LRTM3: variants seen among roughly 807,000 people sequenced by gnomAD.
The protein encoded by LRTM3 is leucine rich repeat transmembrane protein 3.
At chr13:102,739,939 T>C in the LRTM3 span, 1 of 1,550,352 alleles carries the variant, frequency 6.5e-7, no homozygotes. Context: ...TGGTATTGAG[T>C]ATATGTGAAA....
chr13:102,743,028 A>C, the LRTM3 span: 3 of 1,548,040 alleles, frequency 1.9e-6, no homozygotes, highest in South Asian at 3.6e-5. Context: ...TGACTTTTTG[A>C]GAAAAAAGTT....
the LRTM3 span, chr13:102,730,895 C>A: frequency 6.4e-7 from 1 of 1,551,282 alleles, no homozygotes; most frequent in Non-Finnish European, 8.7e-7. Context: ...TAACAAAATT[C>A]TGTTTTGTCG....
At chr13:102,744,738 C>T in the LRTM3 span, 107 of 1,550,634 alleles carry the variant, frequency 6.9e-5, no homozygotes, top group East Asian at 2.1e-3. Context: ...ATATTTTTAT[C>T]TTCCCTTTCA....
chr13:102,752,762 A>G, the LRTM3 span, among the ~76,000 whole-genome samples: 4 of 152,320 alleles, frequency 2.6e-5, no homozygotes, highest in South Asian at 8.3e-4. Context: ...ATGTGACCAT[A>G]TTTGTAGACG....
chr13:102,744,228 C>G, the LRTM3 span: 1 of 1,550,376 alleles, frequency 6.5e-7, no homozygotes, highest in Non-Finnish European at 8.7e-7. Flanking sequence ...TTCAAAGTTA[C>G]ACATTTGGGA....
At chr13:102,739,606 A>G in the LRTM3 span, 3 of 1,550,466 alleles carry the variant, frequency 1.9e-6, no homozygotes, top group Non-Finnish European at 2.6e-6. Context: ...ACAGCAAAGG[A>G]AATTCCTTTA....
the LRTM3 span, chr13:102,746,554 A>G: frequency 2.7e-5 from 42 of 1,550,906 alleles, no homozygotes; most frequent in East Asian, 1.0e-3. Context: ...GGCTTGTGAC[A>G]CTGACTGTCT....
chr13:102,733,753 A>G, the LRTM3 span: 2 of 1,551,324 alleles, frequency 1.3e-6, no homozygotes, highest in Non-Finnish European at 1.7e-6. Flanking sequence ...ACTGATTCAA[A>G]TCTTCTTCTG....
the LRTM3 span, chr13:102,747,390 A>T: frequency 6.5e-7 from 1 of 1,550,076 alleles, no homozygotes. Flanking sequence ...ATATTAATAT[A>T]AGGCATCAGT....
chr13:102,730,312 A>G, the LRTM3 span: 1 of 1,551,378 alleles, frequency 6.4e-7, no homozygotes, highest in East Asian at 2.4e-5. Context: ...CCAGAAACAC[A>G]CATTCCTCAC....
At chr13:102,730,025 G>C in the LRTM3 span, 12 of 1,551,604 alleles carry the variant, frequency 7.7e-6, no homozygotes, top group South Asian at 1.4e-4. Flanking sequence ...AGATGACCTA[G>C]ACTGAATTTC....
the LRTM3 span, chr13:102,737,915 T>G: frequency 6.4e-7 from 1 of 1,550,564 alleles, no homozygotes; most frequent in Non-Finnish European, 8.7e-7. Context: ...TTCCTGTTCA[T>G]TCTTGTCTCC....
chr13:102,758,116 T>C, the LRTM3 span, among the ~76,000 whole-genome samples: 1 of 152,200 alleles, frequency 6.6e-6, no homozygotes, highest in Non-Finnish European at 1.5e-5. Context: ...ATATAAGAAC[T>C]GGTGTGTTGG....
chr13:102,741,349 C>A, the LRTM3 span: 1 of 1,549,196 alleles, frequency 6.5e-7, no homozygotes, highest in African/African-American at 1.4e-5. Context: ...ATTCAGAATC[C>A]AGAATACTTT....
At chr13:102,734,027 G>A in the LRTM3 span, 39 of 1,551,262 alleles carry the variant, frequency 2.5e-5, 1 homozygote, top group South Asian at 4.8e-5. Flanking sequence ...AGGTGCTGAC[G>A]GTATAGAAAG....
the LRTM3 span, among the ~76,000 whole-genome samples, chr13:102,755,792 T>A: frequency 6.7e-6 from 1 of 149,748 alleles, no homozygotes; most frequent in Admixed American, 6.7e-5. Context: ...TTTTAAAAAA[T>A]TAAATGAAAT....
the LRTM3 span, among the ~76,000 whole-genome samples, chr13:102,751,011 A>G: frequency 3.2e-3 from 485 of 152,246 alleles, 8 homozygotes; most frequent in African/African-American, 0.011. Flanking sequence ...GGTTAATTTT[A>G]TTTGTCAGTT....
chr13:102,731,731 T>C, the LRTM3 span: 2 of 1,551,410 alleles, frequency 1.3e-6, no homozygotes, highest in Non-Finnish European at 1.7e-6. Context: ...TACTTTTAAC[T>C]TGAGGCGGTA....
the LRTM3 span, among the ~76,000 whole-genome samples, chr13:102,755,742 C>T: frequency 5.0e-4 from 75 of 149,870 alleles, 1 homozygote; most frequent in Middle Eastern, 3.5e-3. Context: ...CAAACCTACA[C>T]GTTCTGCATA....
Sources: gnomAD v4.1 joint callset for allele counts (sites outside exome capture counted in the v4.1 genomes callset) on GRCh38, gnomAD v4.1.1 for gene constraint, MANE v1.5 for transcripts, NCBI Gene and HGNC (gene_info 2026-07-23, HGNC 2026-07-21) for gene names.